CRPPA: variants seen among roughly 807,000 people sequenced by gnomAD.
CRPPA encodes the protein CDP-L-ribitol pyrophosphorylase A, also known as D-ribitol-5-phosphate cytidylyltransferase.
In CRPPA, 43 loss-of-function variants were observed where a neutral mutation model predicts 52.0. The ratio of observed to expected loss-of-function variants is 0.83; its 90% CI spans 0.65 to 1.07. The LOEUF (loss-of-function observed/expected upper bound fraction) is 1.07, where lower values mean the gene tolerates loss of function less well. CRPPA is among the 50% of genes least tolerant of loss of function. The pLI, the probability that CRPPA is intolerant of heterozygous loss-of-function variation, is 0.00. For synonymous variants in CRPPA, 250 were observed against 203.5 expected (o/e 1.23, Z -1.94); for missense variants, 629 against 551.7 (o/e 1.14, Z -1.40).
chr7:16,419,358 C>G (rs1193800620), intron 1 of CRPPA, among the ~76,000 whole-genome samples: 2 of 152,218 alleles, frequency 1.3e-5, no homozygotes, highest in African/African-American at 4.8e-5. Flanking sequence ...CCATTAAGCT[C>G]ATTCCTTGGC....
chr7:16,338,515 T>C (rs1196187552), intron 3 of CRPPA, among the ~76,000 whole-genome samples: 1 of 94,588 alleles, frequency 1.1e-5, no homozygotes, highest in Non-Finnish European at 2.3e-5. Flanking sequence ...CCTTTCAACA[T>C]AGATTATTAA....
chr7:16,401,796 GAA>G (rs1241757919), intron 2 of CRPPA, among the ~76,000 whole-genome samples: 1 of 152,080 alleles, frequency 6.6e-6, no homozygotes, highest in Non-Finnish European at 1.5e-5. Context: ...TTCTGACTTA[GAA>G]AAGATTACGG....
chr7:16,225,721 T>C (rs1252200303), intron 8 of CRPPA, among the ~76,000 whole-genome samples: 1 of 151,892 alleles, frequency 6.6e-6, no homozygotes, highest in Non-Finnish European at 1.5e-5. Context: ...TAGGCATGCA[T>C]TACTTGTCAT....
chr7:16,203,681 G>A (rs1422366830), intron 9 of CRPPA, among the ~76,000 whole-genome samples: 2 of 152,194 alleles, frequency 1.3e-5, no homozygotes, highest in East Asian at 3.9e-4. Context: ...AAAGCCTGAA[G>A]CCATTATCTT....
At chr7:16,373,903 A>G (rs183120087) in intron 3 of CRPPA, among the ~76,000 whole-genome samples, 8 of 152,306 alleles carry the variant, frequency 5.3e-5, no homozygotes, top group Admixed American at 3.9e-4. Flanking sequence ...TCTATAACCT[A>G]AAACTGCACA....
Position 16,333,288 on chromosome 7 carries a change from A to T in CRPPA, c.685-24661T>A, listed in dbSNP as rs1289127417. On this transcript the variant is annotated intron_variant, in intron 3 of 9. Transcript: ENST00000407010. Reference sequence around the variant, plus strand: ...AACAGAATAGAATTGATATCTATTGACTACTTCATCCAACATCATCAAAAC... The same window carrying T: ...AACAGAATAGAATTGATATCTATTGTCTACTTCATCCAACATCATCAAAAC... Among the ~76,000 whole-genome samples, 8 of 152,336 alleles carry T rather than the reference A, an allele frequency of 5.3e-5. No individual in the cohort carries two copies. In the East Asian group the frequency reaches 1.5e-3, roughly 29 times the overall value.
rs1470703147 is a variant in CRPPA, at chr7:16,323,142, A to G, written c.685-14515T>C. ...TGGGGACATAGCCAAACCATACGAA[A>G]TAGAAAACTTCATTTTTAATTCACA... On this transcript the variant is annotated intron_variant, in intron 3 of 9. Coordinates refer to ENST00000407010, the MANE Select transcript of CRPPA (RefSeq NM_001101426.4). Among the ~76,000 whole-genome samples, 2 of 152,144 alleles carry G rather than the reference A, an allele frequency of 1.3e-5. 1 individual carries two copies. Among genetic ancestry groups the G allele is most frequent in the East Asian group, 3.9e-4 (2 of 5,162 alleles).
At chr7:16,142,496 A>T (rs1782892493) in intron 9 of CRPPA, among the ~76,000 whole-genome samples, 1 of 152,196 alleles carries the variant, frequency 6.6e-6, no homozygotes, top group South Asian at 2.1e-4. Context: ...TTGCTTGGTA[A>T]TTTGAATATA....
chr7:16,091,231 G>C lies in CRPPA; in HGVS notation c.*464C>G, dbSNP rs1781830436. 1 of 153,332 alleles carries C rather than the reference G, an allele frequency of 6.5e-6. No homozygotes were observed. Among genetic ancestry groups the C allele is most frequent in the African/African-American group, 2.4e-5 (1 of 41,440 alleles). 9.5% of individuals were successfully genotyped at this position (153,332 alleles called of 1,614,324 possible). On this transcript the variant is annotated 3_prime_UTR_variant, in exon 10 of 10. Coordinates refer to ENST00000407010, the MANE Select transcript of CRPPA (RefSeq NM_001101426.4). Reference sequence around the variant, plus strand: ...TAAAGTGTAGACATTTTTAACACAAGACAAAAAGACAAAATATCACCTGGT... The same window carrying C: ...TAAAGTGTAGACATTTTTAACACAACACAAAAAGACAAAATATCACCTGGT...
chr7:16,146,172 T>C (rs1289483967), intron 9 of CRPPA, among the ~76,000 whole-genome samples: 7 of 150,454 alleles, frequency 4.7e-5, no homozygotes, highest in African/African-American at 7.3e-5. Context: ...GTAATCAAAG[T>C]ACTGAGAAAA....
At chr7:16,201,402 C>T (rs180804658) in intron 9 of CRPPA, among the ~76,000 whole-genome samples, 126 of 152,210 alleles carry the variant, frequency 8.3e-4, no homozygotes, top group Middle Eastern at 6.8e-3. Flanking sequence ...TCTTTTTGAA[C>T]GATGTCTTTT....
At chr7:16,229,153 AC>A (rs1782726323) in intron 8 of CRPPA, among the ~76,000 whole-genome samples, 1 of 151,814 alleles carries the variant, frequency 6.6e-6, no homozygotes, top group African/African-American at 2.4e-5. Context: ...CTATCCCTTC[AC>A]TTTCAGTTTG....
intron 9 of CRPPA, among the ~76,000 whole-genome samples, chr7:16,128,346 C>G (rs1782619615): frequency 6.6e-6 from 1 of 152,038 alleles, no homozygotes; most frequent in South Asian, 2.1e-4. Flanking sequence ...TAAAAAAATT[C>G]ATCTCAACCT....
At chr7:16,153,866 C>T (rs1274277510) in intron 9 of CRPPA, among the ~76,000 whole-genome samples, 1 of 151,842 alleles carries the variant, frequency 6.6e-6, no homozygotes, top group Non-Finnish European at 1.5e-5. Flanking sequence ...TTAGGAAAGG[C>T]AGAATCAAGT....
At chr7:16,151,413 T>C (rs191201002) in intron 9 of CRPPA, among the ~76,000 whole-genome samples, 12 of 152,264 alleles carry the variant, frequency 7.9e-5, no homozygotes, top group African/African-American at 2.9e-4. Context: ...TTGTGATGAT[T>C]TGTTTTTTCA....
chr7:16,121,486 T>C (rs939089727), intron 9 of CRPPA, among the ~76,000 whole-genome samples: 2 of 152,074 alleles, frequency 1.3e-5, no homozygotes, highest in Admixed American at 6.6e-5. Context: ...CTTGGATCAA[T>C]AATAATAAAA....
At chr7:16,294,350 A>G (rs1415016839) in intron 5 of CRPPA, among the ~76,000 whole-genome samples, 1 of 151,986 alleles carries the variant, frequency 6.6e-6, no homozygotes, top group Non-Finnish European at 1.5e-5. Context: ...AAAGCGACAG[A>G]TTTACTTGTA....
rs890748855 is a variant in CRPPA, at chr7:16,395,433, T to C, written c.534+10628A>G. On this transcript the variant is annotated intron_variant, in intron 2 of 9. Transcript: ENST00000407010. Reference sequence around the variant, plus strand: ...CCAACCATATAATTATGATTTTAGTTAGGCAAGTTGTCTTTATTGAAAGGC... The same window carrying C: ...CCAACCATATAATTATGATTTTAGTCAGGCAAGTTGTCTTTATTGAAAGGC... Among the ~76,000 whole-genome samples, 3 of 152,204 alleles carry C rather than the reference T, an allele frequency of 2.0e-5. No individual in the cohort carries two copies. The East Asian group carries it at 5.8e-4, about 29-fold the overall frequency.
intron 9 of CRPPA, among the ~76,000 whole-genome samples, chr7:16,179,271 A>G (rs1358940689): frequency 6.6e-6 from 1 of 152,124 alleles, no homozygotes; most frequent in Admixed American, 6.6e-5. Flanking sequence ...CTGCATTTTT[A>G]AAAAGTAGTT....
Sources: allele counts gnomAD v4.1 joint callset (sites outside exome capture counted in the v4.1 genomes callset), GRCh38; gene constraint gnomAD v4.1.1; transcripts MANE v1.5; gene names NCBI Gene and HGNC (gene_info 2026-07-23, HGNC 2026-07-21).